Variants in ALKAL1 observed in about 807,000 individuals in gnomAD.
ALKAL1 encodes the protein ALK and LTK ligand 1, also known as AUG-beta.
ALKAL1 carries 23 observed loss-of-function variants against 13.5 expected under a neutral mutation model. The ratio of observed to expected loss-of-function variants is 1.70; its 90% confidence interval spans 1.23 to 2.41. ALKAL1 has a LOEUF of 2.41. ALKAL1 is among the 30% of genes most tolerant of loss of function. ALKAL1 has a pLI of 0.00. For synonymous variants in ALKAL1, 85 were observed against 77.7 expected (o/e 1.09, Z -0.49); for missense variants, 181 against 178.4 (o/e 1.01, Z -0.08).
At chr8:52,536,600 C>A (rs1159593100) in intron 4 of ALKAL1, among the ~76,000 whole-genome samples, 2 of 152,034 alleles carry the variant, frequency 1.3e-5, no homozygotes, top group Non-Finnish European at 2.9e-5. Context: ...CTTTTTTATT[C>A]TTTGCTTTTT....
intron 1 of ALKAL1, among the ~76,000 whole-genome samples, chr8:52,547,555 A>C: frequency 6.6e-6 from 1 of 152,200 alleles, no homozygotes; most frequent in East Asian, 1.9e-4. Flanking sequence ...CTCCCCGCAA[A>C]CAATGAAACT....
intron 4 of ALKAL1, 52 bp downstream of exon 4, chr8:52,538,379 A>G: frequency 1.9e-6 from 2 of 1,068,764 alleles, no homozygotes; most frequent in South Asian, 2.9e-5. Flanking sequence ...AAAAATGTTT[A>G]AAAATAAAGT....
At chr8:52,542,995 T>G (rs1256804095) in intron 1 of ALKAL1, among the ~76,000 whole-genome samples, 2 of 152,198 alleles carry the variant, frequency 1.3e-5, no homozygotes, top group Non-Finnish European at 2.9e-5. Flanking sequence ...CATAATCTTC[T>G]TTCTCCCCAG....
chr8:52,559,647 G>A (rs1377342336), intron 1 of ALKAL1, among the ~76,000 whole-genome samples: 1 of 152,154 alleles, frequency 6.6e-6, no homozygotes, highest in Admixed American at 6.5e-5. Context: ...CCTCTCAGCT[G>A]GTTCTGAAAC....
intron 1 of ALKAL1, among the ~76,000 whole-genome samples, chr8:52,557,790 G>T (rs1176586560): frequency 6.6e-6 from 1 of 152,024 alleles, no homozygotes; most frequent in Non-Finnish European, 1.5e-5. Context: ...TTTGAGACCA[G>T]CCTGGGCAAT....
intron 1 of ALKAL1, among the ~76,000 whole-genome samples, chr8:52,545,956 A>AC (rs1393994638): frequency 1.4e-4 from 21 of 152,224 alleles, no homozygotes; most frequent in African/African-American, 5.1e-4. Flanking sequence ...CTGCACACTC[A>AC]GCTATATGGT....
At chr8:52,556,508 G>C (rs11997107) in intron 1 of ALKAL1, among the ~76,000 whole-genome samples, 1 of 151,694 alleles carries the variant, frequency 6.6e-6, no homozygotes, top group Non-Finnish European at 1.5e-5. Flanking sequence ...TTAGCCGGGC[G>C]TGGTGGCGCG....
Position 52,558,535 on chromosome 8 carries a change from C to G in ALKAL1, c.190+6532G>C, listed in dbSNP as rs925348665. Among the ~76,000 whole-genome samples, 3 of 152,080 alleles carry G rather than the reference C, an allele frequency of 2.0e-5. No homozygotes were observed. In the East Asian group the frequency reaches 5.8e-4, roughly 29 times the overall value. On this transcript the variant is annotated intron_variant, in intron 1 of 4. Coordinates refer to ENST00000358543, the MANE Select transcript of ALKAL1 (RefSeq NM_207413.4). ...TGTCTCAGCAACTCTCTTGCCATGTCCCTGCCCTGTCCCTCAGCCCTCCTC... is the reference window on the plus strand; with the variant it reads ...TGTCTCAGCAACTCTCTTGCCATGTGCCTGCCCTGTCCCTCAGCCCTCCTC...
intron 1 of ALKAL1, among the ~76,000 whole-genome samples, chr8:52,559,338 G>C (rs1590870821): frequency 6.6e-6 from 1 of 152,184 alleles, no homozygotes; most frequent in East Asian, 1.9e-4. Context: ...TAGCTGTAGA[G>C]CTGTGGGTAC....
At chr8:52,563,629 T>C (rs2150348839) in intron 1 of ALKAL1, among the ~76,000 whole-genome samples, 1 of 152,324 alleles carries the variant, frequency 6.6e-6, no homozygotes, top group Admixed American at 6.5e-5. Flanking sequence ...CTGAGATAAA[T>C]ATTTTAGGCT....
chr8:52,550,943 C>A (rs745451619), intron 1 of ALKAL1, among the ~76,000 whole-genome samples: 17 of 152,110 alleles, frequency 1.1e-4, no homozygotes, highest in Non-Finnish European at 2.2e-4. Flanking sequence ...GGGACTAGAT[C>A]CTCAATGTAT....
intron 1 of ALKAL1, among the ~76,000 whole-genome samples, chr8:52,545,386 A>C (rs1023093681): frequency 6.6e-6 from 1 of 152,166 alleles, no homozygotes; most frequent in African/African-American, 2.4e-5. Flanking sequence ...TTATGTAAAA[A>C]TGCAGATTCA....
chr8:52,540,104 A>G (rs1219650077), intron 2 of ALKAL1, among the ~76,000 whole-genome samples, 193 bp from the exon 3 acceptor site: 1 of 152,178 alleles, frequency 6.6e-6, no homozygotes, highest in Admixed American at 6.5e-5. Context: ...AAAATAATCT[A>G]AATTCATTCC....
At chr8:52,556,674 A>AAAAAAAT in intron 1 of ALKAL1, among the ~76,000 whole-genome samples, 1 of 148,728 alleles carries the variant, frequency 6.7e-6, no homozygotes, top group Non-Finnish European at 1.5e-5. Flanking sequence ...AAAAAAAAAA[A>AAAAAAAT]GATTGGATGG....
intron 1 of ALKAL1, among the ~76,000 whole-genome samples, chr8:52,560,298 C>T (rs1033192621): frequency 6.6e-6 from 1 of 152,026 alleles, no homozygotes; most frequent in Non-Finnish European, 1.5e-5. Flanking sequence ...CTATTATTTC[C>T]TGGCAGTTTA....
chr8:52,544,763 A>G (rs1847350615), intron 1 of ALKAL1, among the ~76,000 whole-genome samples: 1 of 152,192 alleles, frequency 6.6e-6, no homozygotes, highest in Non-Finnish European at 1.5e-5. Context: ...CACCACCAAA[A>G]AAAAAGGGCA....
rs77777287 is a variant in ALKAL1, at chr8:52,564,180, A to T, written c.190+887T>A. 1.2e-3 allele frequency among the ~76,000 whole-genome samples: 178 copies of T among 152,234 alleles called. 4 individuals are homozygous for T. The East Asian group carries it at 0.034, about 29-fold the overall frequency. On this transcript the variant is annotated intron_variant, in intron 1 of 4. Transcript: ENST00000358543. Reference sequence around the variant, plus strand: ...TTCCCAAGCCCGGTGGAGGCCACCAAATGTCCCCGCAGAGGGGCCCTTCTG... The same window carrying T: ...TTCCCAAGCCCGGTGGAGGCCACCATATGTCCCCGCAGAGGGGCCCTTCTG...
intron 3 of ALKAL1, among the ~76,000 whole-genome samples, chr8:52,539,140 A>T (rs1052140163): frequency 2.0e-5 from 3 of 152,198 alleles, no homozygotes; most frequent in African/African-American, 7.2e-5. Context: ...ATACAACTTA[A>T]CATGCTGAGT....
intron 1 of ALKAL1, among the ~76,000 whole-genome samples, chr8:52,558,760 A>G (rs915364436): frequency 6.6e-6 from 1 of 152,066 alleles, no homozygotes; most frequent in African/African-American, 2.4e-5. Flanking sequence ...TGATTTGTAT[A>G]AAGTTTCCTT....
Sources: gnomAD v4.1 joint callset for allele counts (sites outside exome capture counted in the v4.1 genomes callset) on GRCh38, gnomAD v4.1.1 for gene constraint, MANE v1.5 for transcripts, NCBI Gene and HGNC (gene_info 2026-07-23, HGNC 2026-07-21) for gene names.